The following NCOA7 variants were observed in gnomAD, a reference collection of about 807,000 sequenced individuals.
NCOA7 encodes 140 kDa estrogen receptor-associated protein.
In NCOA7, 45 loss-of-function variants were observed where a neutral mutation model predicts 104.3. The observed-to-expected ratio is 0.43, with a 90% CI of 0.34 to 0.55. The LOEUF (loss-of-function observed/expected upper bound fraction) is 0.55, where lower values mean the gene tolerates loss of function less well. NCOA7 is among the 20% of genes least tolerant of loss of function. NCOA7 has a pLI of 0.02. For missense variants in NCOA7, 1,041 were observed against 1,119.7 expected (o/e 0.93, Z 1.00); for synonymous variants, 398 against 402.3 (o/e 0.99, Z 0.13).
chr6:125,848,112 G>A (rs1298325215), intron 2 of NCOA7, among the ~76,000 whole-genome samples: 11 of 152,116 alleles, frequency 7.2e-5, no homozygotes, highest in African/African-American at 1.7e-4. Flanking sequence ...ACCATCTTAC[G>A]CCAGTTATAA....
chr6:125,888,326 A>G (rs1296932240), intron 8 of NCOA7, among the ~76,000 whole-genome samples: 3 of 152,184 alleles, frequency 2.0e-5, no homozygotes, highest in Non-Finnish European at 4.4e-5. Context: ...TATACCCACA[A>G]TAATAGTGGA....
At chr6:125,792,307 C>T (rs1774932322) in intron 1 of NCOA7, among the ~76,000 whole-genome samples, 1 of 152,150 alleles carries the variant, frequency 6.6e-6, no homozygotes, top group Non-Finnish European at 1.5e-5. Context: ...GGACCATATG[C>T]TATCTTTCTG....
At chr6:125,878,214 T>A in intron 4 of NCOA7, 49 bp from the exon 5 acceptor site, 1 of 1,267,550 alleles carries the variant, frequency 7.9e-7, no homozygotes, top group Non-Finnish European at 1.1e-6. Context: ...CTATCAAAAG[T>A]AATTTTTTTT....
chr6:125,853,789 T>A lies in NCOA7; in HGVS notation c.51-1231T>A, dbSNP rs932722251. 2.0e-5 allele frequency among the ~76,000 whole-genome samples: 3 copies of A among 152,186 alleles called. No individual in the cohort carries two copies. In the South Asian group the frequency reaches 6.2e-4, roughly 32 times the overall value. On this transcript the variant is annotated intron_variant, in intron 2 of 15. Coordinates refer to ENST00000392477, the MANE Select transcript of NCOA7 (RefSeq NM_181782.5). ...CTAATAAAAGATCCTGTTAGAGACC[T>A]AAGGAAGTACAGTTATCACCATTTA...
At chr6:125,832,911 G>A (rs550746041) in intron 2 of NCOA7, among the ~76,000 whole-genome samples, 1 of 152,320 alleles carries the variant, frequency 6.6e-6, no homozygotes, top group South Asian at 2.1e-4. Context: ...TTGTGTCACA[G>A]CATGGCATGG....
chr6:125,921,723 A>T (rs1036493334), intron 12 of NCOA7, among the ~76,000 whole-genome samples: 3 of 152,216 alleles, frequency 2.0e-5, no homozygotes, highest in Non-Finnish European at 4.4e-5. Flanking sequence ...CAGAGTTCCC[A>T]TAGCTTTGAT....
At chr6:125,899,737 A>G (rs1785326560) in intron 10 of NCOA7, among the ~76,000 whole-genome samples, 1 of 152,066 alleles carries the variant, frequency 6.6e-6, no homozygotes, top group African/African-American at 2.4e-5. Context: ...CCTTTTTTTC[A>G]TCAACTGAAA....
intron 1 of NCOA7, among the ~76,000 whole-genome samples, chr6:125,795,299 A>G (rs1775213886): frequency 6.6e-6 from 1 of 152,216 alleles, no homozygotes. Flanking sequence ...GTTTTTACAT[A>G]GAGGCATCTC....
At chr6:125,844,059 G>C (rs961617187) in intron 2 of NCOA7, among the ~76,000 whole-genome samples, 1 of 152,120 alleles carries the variant, frequency 6.6e-6, no homozygotes, top group Non-Finnish European at 1.5e-5. Context: ...TGGTTACCGG[G>C]GTCTTCTAAG....
upstream of NCOA7, among the ~76,000 whole-genome samples, chr6:125,790,218 A>T (rs1262320699): frequency 5.3e-5 from 8 of 152,226 alleles, no homozygotes; most frequent in Admixed American, 4.6e-4. Context: ...GGATGAATTT[A>T]TTGTGGCCAT....
In NCOA7 at chr6:125,863,480, AAAATCTCATTGTAAGAG is replaced by A. The variant is rs1389806981; in HGVS notation, c.271+8245_271+8261del. 2.2e-5 allele frequency among the ~76,000 whole-genome samples: 3 copies of A among 138,556 alleles called. 1 individual carries two copies. Among genetic ancestry groups the A allele is most frequent in the Non-Finnish European group, 1.5e-5 (1 of 65,060 alleles). 90.9% of individuals were successfully genotyped at this position (138,556 alleles called of 152,430 possible). On this transcript the variant is annotated intron_variant, in intron 3 of 15. Coordinates refer to ENST00000392477, the MANE Select transcript of NCOA7 (RefSeq NM_181782.5). ...CTTGTTATATTCACTTGCATTATAA[AAAATCTCATTGTAAGAG>A]AAATGCCCAAATGTGGTTTGGGCTG...
chr6:125,788,716 G>C (rs9401846), upstream of NCOA7, among the ~76,000 whole-genome samples: 1 of 50,592 alleles, frequency 2.0e-5, no homozygotes, highest in Admixed American at 2.1e-4. Flanking sequence ...TTTTTTTTTT[G>C]TATTTTTAGT....
At chr6:125,923,134 T>C (rs927532560) in intron 13 of NCOA7, among the ~76,000 whole-genome samples, 3 of 152,208 alleles carry the variant, frequency 2.0e-5, no homozygotes, top group African/African-American at 7.2e-5. Flanking sequence ...AAAAGTATAA[T>C]GATATCCCAC....
chr6:125,896,397 A>C (rs551187279), intron 10 of NCOA7, among the ~76,000 whole-genome samples: 1 of 152,298 alleles, frequency 6.6e-6, no homozygotes, highest in African/African-American at 2.4e-5. Context: ...AAAATGTTTT[A>C]TTTTAAAGGT....
intron 2 of NCOA7, among the ~76,000 whole-genome samples, chr6:125,853,568 C>A (rs7763515): frequency 6.6e-6 from 1 of 151,956 alleles, no homozygotes; most frequent in African/African-American, 2.4e-5. Context: ...ATCTAAGAAC[C>A]TGGCTGCTCA....
chr6:125,789,402 G>C (rs908195429), upstream of NCOA7, among the ~76,000 whole-genome samples: 3 of 152,078 alleles, frequency 2.0e-5, no homozygotes, highest in Non-Finnish European at 2.9e-5. Context: ...TTTTTCTTTT[G>C]CCTGATTTTC....
intron 2 of NCOA7, among the ~76,000 whole-genome samples, chr6:125,820,037 G>A (rs189876947): frequency 3.3e-5 from 5 of 152,280 alleles, no homozygotes; most frequent in African/African-American, 7.2e-5. Flanking sequence ...CAGACTGGGT[G>A]TTCATGTAGG....
intron 3 of NCOA7, among the ~76,000 whole-genome samples, chr6:125,867,819 C>A (rs559030487): frequency 6.6e-6 from 1 of 152,212 alleles, no homozygotes; most frequent in African/African-American, 2.4e-5. Flanking sequence ...ACAACTGGAA[C>A]CAAAGAAAGG....
intron 3 of NCOA7, among the ~76,000 whole-genome samples, chr6:125,866,617 C>T (rs1782462322): frequency 6.6e-6 from 1 of 152,092 alleles, no homozygotes; most frequent in East Asian, 1.9e-4. Context: ...CCAAGGTTAC[C>T]TAGTGAGCAG....
Sources: allele counts gnomAD v4.1 joint callset (sites outside exome capture counted in the v4.1 genomes callset), GRCh38; gene constraint gnomAD v4.1.1; transcripts MANE v1.5; gene names NCBI Gene and HGNC (gene_info 2026-07-23, HGNC 2026-07-21).